The following SLC16A7 variants were observed in gnomAD, a reference collection of about 807,000 sequenced individuals.
SLC16A7 encodes monocarboxylate transporter 2.
Under a neutral mutation model 34.9 loss-of-function variants are expected in SLC16A7, and 33 were observed. That is an observed-to-expected ratio of 0.94 (90% CI 0.72 to 1.26). SLC16A7 has a LOEUF of 1.26. Among genes scored for constraint, SLC16A7 ranks in the 50% most tolerant of loss-of-function variants. SLC16A7 has a pLI of 0.00. For synonymous variants in SLC16A7, 201 were observed against 206.6 expected (o/e 0.97, Z 0.23); for missense variants, 573 against 578.1 (o/e 0.99, Z 0.09).
In SLC16A7 at chr12:59,662,391, T is replaced by C. The variant is rs147259924; in HGVS notation, c.-31+7141T>C. Among the ~76,000 whole-genome samples the C allele has an allele frequency of 1.8e-3, 274 of 152,228 alleles. 1 individual carries two copies. The highest frequency in any genetic ancestry group is 6.2e-3 in the African/African-American group (257 of 41,556). Reference sequence around the variant, plus strand: ...GCACACAGGCTATTTATCAAGGTTTTCTCCTAAGACTATCTGCATTTCCTC... The same window carrying C: ...GCACACAGGCTATTTATCAAGGTTTCCTCCTAAGACTATCTGCATTTCCTC... On this transcript the variant is annotated intron_variant, in intron 2 of 5. Transcript: ENST00000547379.
chr12:59,629,519 C>T (rs1880083849), intron 1 of SLC16A7, among the ~76,000 whole-genome samples: 1 of 151,880 alleles, frequency 6.6e-6, no homozygotes, highest in South Asian at 2.1e-4. Context: ...TTAAAATTAT[C>T]TACTAATAAG....
chr12:59,762,218 C>T (rs543875099), intron 3 of SLC16A7, among the ~76,000 whole-genome samples: 5 of 152,088 alleles, frequency 3.3e-5, no homozygotes, highest in East Asian at 3.9e-4. Context: ...TTACAATTTT[C>T]GTGTCATAAG....
At position 59,788,445 on chromosome 12, in the gene SLC16A7, T is replaced by C. The variant is rs1883770593; in HGVS notation, c.*8766T>C. 1 of 152,122 alleles carries C rather than the reference T, an allele frequency of 6.6e-6. No individual in the cohort carries two copies. Among genetic ancestry groups the C allele is most frequent in the South Asian group, 2.1e-4 (1 of 4,836 alleles). 9.4% of individuals were successfully genotyped at this position (152,122 alleles called of 1,614,324 possible). ...AACAAATGATCATATTGCCACATGG[T>C]CTATCAACTATGGTTACTATGATAG... On this transcript the variant is annotated 3_prime_UTR_variant, in exon 6 of 6. Transcript: ENST00000547379.
chr12:59,694,276 C>T (rs1872014495), intron 2 of SLC16A7, among the ~76,000 whole-genome samples: 1 of 151,878 alleles, frequency 6.6e-6, no homozygotes, highest in Non-Finnish European at 1.5e-5. Context: ...TTCTCACTGG[C>T]TTAAGGATTG....
intron 2 of SLC16A7, among the ~76,000 whole-genome samples, chr12:59,691,363 A>T (rs1871627421): frequency 6.6e-6 from 1 of 152,144 alleles, no homozygotes; most frequent in Non-Finnish European, 1.5e-5. Flanking sequence ...TTACAAAAAA[A>T]ATTACATTAA....
At chr12:59,707,283 G>A (rs78253404) in intron 3 of SLC16A7, among the ~76,000 whole-genome samples, 1,831 of 152,184 alleles carry the variant, frequency 0.012, 40 homozygotes, top group African/African-American at 0.041. Context: ...CATCTAGCCA[G>A]TCCTAGTCAG....
At chr12:59,760,509 G>A (rs909189377) in intron 3 of SLC16A7, among the ~76,000 whole-genome samples, 3 of 151,920 alleles carry the variant, frequency 2.0e-5, no homozygotes, top group African/African-American at 7.3e-5. Context: ...CTTAAAATAG[G>A]CACAAGAAGA....
At chr12:59,704,199 CAAAAAAAAAAA>C (rs34021022) in intron 2 of SLC16A7, among the ~76,000 whole-genome samples, 6 of 51,616 alleles carry the variant, frequency 1.2e-4, no homozygotes, top group Admixed American at 2.3e-4. Context: ...GACTCTGTCT[CAAAAAAAAAAA>C]AAAAAAAAGA....
At chr12:59,705,149 G>A (rs1873418901) in intron 3 of SLC16A7, 131 bp downstream of exon 3, 4 of 617,494 alleles carry the variant, frequency 6.5e-6, no homozygotes, top group Middle Eastern at 4.5e-4. Context: ...CCAATCAAAA[G>A]TATAATTAGA....
chr12:59,759,837 A>G (rs981468063), intron 3 of SLC16A7, among the ~76,000 whole-genome samples: 1 of 152,084 alleles, frequency 6.6e-6, no homozygotes, highest in African/African-American at 2.4e-5. Flanking sequence ...CAGTTCCTAT[A>G]AACAATCTTT....
intron 3 of SLC16A7, chr12:59,769,195 C>A (rs958256426): frequency 6.6e-6 from 1 of 152,042 alleles, no homozygotes; most frequent in African/African-American, 2.4e-5. Context: ...AGATATAATT[C>A]AATGCACACT....
Position 59,779,883 on chromosome 12 carries a change from T to C in SLC16A7, c.*204T>C. The C allele has an allele frequency of 2.0e-6, 1 of 488,368 alleles. No homozygotes were observed. Among genetic ancestry groups the C allele is most frequent in the South Asian group, 2.5e-5 (1 of 39,526 alleles). 30.3% of individuals were successfully genotyped at this position (488,368 alleles called of 1,614,324 possible). On this transcript the variant is annotated 3_prime_UTR_variant, in exon 6 of 6. Transcript: ENST00000547379. ...GGTAGTTAAATTTTGAGATTATGCATAGAAAGAATCCATGCTATAGGTTTA... is the reference window on the plus strand; with the variant it reads ...GGTAGTTAAATTTTGAGATTATGCACAGAAAGAATCCATGCTATAGGTTTA...
At chr12:59,755,935 C>T (rs575630506) in intron 3 of SLC16A7, among the ~76,000 whole-genome samples, 8 of 152,044 alleles carry the variant, frequency 5.3e-5, no homozygotes, top group African/African-American at 1.9e-4. Flanking sequence ...CAGAACAGAG[C>T]CCTCAGAAAT....
chr12:59,774,536 A>C (rs985049828), intron 4 of SLC16A7, 121 bp from the exon 5 acceptor site: 20 of 597,930 alleles, frequency 3.3e-5, no homozygotes, highest in Non-Finnish European at 5.6e-5. Flanking sequence ...AAAATGTACT[A>C]TATGATATTG....
intron 2 of SLC16A7, among the ~76,000 whole-genome samples, chr12:59,687,912 C>G (rs1871282989): frequency 1.3e-5 from 2 of 152,102 alleles, no homozygotes; most frequent in Non-Finnish European, 2.9e-5. Flanking sequence ...GGGGGCTATA[C>G]TTTGCCTACA....
At chr12:59,739,030 T>G (rs940454756) in intron 3 of SLC16A7, among the ~76,000 whole-genome samples, 40 of 149,970 alleles carry the variant, frequency 2.7e-4, no homozygotes, top group African/African-American at 9.5e-4. Flanking sequence ...ATTTATTTAT[T>G]TATTTATTTA....
At chr12:59,714,175 T>C (rs1874594952) in intron 3 of SLC16A7, among the ~76,000 whole-genome samples, 1 of 152,160 alleles carries the variant, frequency 6.6e-6, no homozygotes, top group African/African-American at 2.4e-5. Context: ...AGAGTTCTAG[T>C]AGCCCAGAGG....
At chr12:59,724,134 C>A (rs544010549) in intron 3 of SLC16A7, among the ~76,000 whole-genome samples, 1 of 152,132 alleles carries the variant, frequency 6.6e-6, no homozygotes, top group Admixed American at 6.6e-5. Flanking sequence ...AGCAGAGAAG[C>A]CTGAAGGCTG....
At chr12:59,748,470 C>T (rs974562489) in intron 3 of SLC16A7, among the ~76,000 whole-genome samples, 1 of 152,096 alleles carries the variant, frequency 6.6e-6, no homozygotes, top group Non-Finnish European at 1.5e-5. Context: ...CGGTTCTTTC[C>T]TCTAGTAAAT....
Sources: allele counts gnomAD v4.1 joint callset (sites outside exome capture counted in the v4.1 genomes callset), GRCh38; gene constraint gnomAD v4.1.1; transcripts MANE v1.5; gene names NCBI Gene and HGNC (gene_info 2026-07-23, HGNC 2026-07-21).